Variants in GPR158 observed in about 807,000 individuals in gnomAD.
GPR158 encodes the protein metabotropic glycine receptor.
GPR158 carries 30 observed loss-of-function variants against 78.2 expected under a neutral mutation model. The ratio of observed to expected loss-of-function variants is 0.38; its 90% CI spans 0.29 to 0.52. The LOEUF (loss-of-function observed/expected upper bound fraction) is 0.52, where lower values mean the gene tolerates loss of function less well. GPR158 is among the 20% of genes least tolerant of loss of function. The pLI, the probability that GPR158 is intolerant of heterozygous loss-of-function variation, is 0.83. For synonymous variants in GPR158, 581 were observed against 591.1 expected (o/e 0.98, Z 0.25); for missense variants, 1,463 against 1,523.5 (o/e 0.96, Z 0.66).
chr10:25,258,990 T>C (rs1346844471), intron 2 of GPR158, among the ~76,000 whole-genome samples: 1 of 152,202 alleles, frequency 6.6e-6, no homozygotes. Flanking sequence ...ACATTTTTTA[T>C]TCATTAAGTG....
chr10:25,442,904 C>T (rs1835087532), intron 4 of GPR158, among the ~76,000 whole-genome samples: 1 of 152,124 alleles, frequency 6.6e-6, no homozygotes, highest in African/African-American at 2.4e-5. Flanking sequence ...CAGCCAGAAA[C>T]ATGTTTTCTA....
chr10:25,343,385 C>G (rs147475113), intron 2 of GPR158, among the ~76,000 whole-genome samples: 1 of 152,078 alleles, frequency 6.6e-6, no homozygotes, highest in Admixed American at 6.6e-5. Flanking sequence ...GTCACTATAT[C>G]TCTTACTATT....
chr10:25,212,478 G>A (rs1445842477), intron 1 of GPR158, among the ~76,000 whole-genome samples: 2 of 152,004 alleles, frequency 1.3e-5, no homozygotes, highest in Non-Finnish European at 2.9e-5. Flanking sequence ...ATTACAATTC[G>A]ACATGAGATT....
chr10:25,444,236 G>T (rs1162916279), intron 4 of GPR158, among the ~76,000 whole-genome samples: 2 of 151,498 alleles, frequency 1.3e-5, no homozygotes, highest in African/African-American at 4.9e-5. Flanking sequence ...ATAATGGGGG[G>T]TGTGTGTGAG....
intron 2 of GPR158, among the ~76,000 whole-genome samples, chr10:25,270,153 C>T (rs933968708): frequency 7.2e-5 from 11 of 152,144 alleles, no homozygotes; most frequent in Non-Finnish European, 1.6e-4. Context: ...AGGTGTACTC[C>T]ATTGTAGCTT....
At chr10:25,329,340 T>G (rs1855085453) in intron 2 of GPR158, among the ~76,000 whole-genome samples, 1 of 151,350 alleles carries the variant, frequency 6.6e-6, no homozygotes. Flanking sequence ...CTCAGGAGGC[T>G]GAGGCAGGAG....
chr10:25,467,122 G>A (rs1487895155), intron 5 of GPR158, among the ~76,000 whole-genome samples: 6 of 152,150 alleles, frequency 3.9e-5, no homozygotes, highest in African/African-American at 1.4e-4. Flanking sequence ...GTTTGGTCCA[G>A]AAAGGCAGGA....
At chr10:25,404,473 G>T (rs1177481423) in intron 3 of GPR158, among the ~76,000 whole-genome samples, 3 of 151,954 alleles carry the variant, frequency 2.0e-5, no homozygotes, top group African/African-American at 7.3e-5. Flanking sequence ...TTTAACCAAC[G>T]ATTTATTTCC....
At chr10:25,440,395 C>G (rs991813035) in intron 4 of GPR158, among the ~76,000 whole-genome samples, 3 of 152,280 alleles carry the variant, frequency 2.0e-5, no homozygotes, top group Admixed American at 1.3e-4. Context: ...CTCAACACCC[C>G]CATTGATTGC....
intron 2 of GPR158, among the ~76,000 whole-genome samples, chr10:25,374,697 A>T (rs1299295040): frequency 6.6e-6 from 1 of 151,746 alleles, no homozygotes; most frequent in Non-Finnish European, 1.5e-5. Flanking sequence ...AATTCATATG[A>T]GATCTGTCCA....
chr10:25,353,042 CT>C (rs1855496435), intron 2 of GPR158, among the ~76,000 whole-genome samples: 1 of 151,946 alleles, frequency 6.6e-6, no homozygotes, highest in African/African-American at 2.4e-5. Context: ...CCTTGGTATC[CT>C]TAATATTACA....
chr10:25,570,496 G>A (rs879435764), intron 6 of GPR158, among the ~76,000 whole-genome samples: 2 of 152,106 alleles, frequency 1.3e-5, no homozygotes, highest in Non-Finnish European at 2.9e-5. Flanking sequence ...TCTGAGTGTC[G>A]AATTTTTCTA....
intron 5 of GPR158, among the ~76,000 whole-genome samples, chr10:25,484,075 T>C (rs1037416529): frequency 3.3e-5 from 5 of 152,224 alleles, no homozygotes; most frequent in African/African-American, 1.2e-4. Flanking sequence ...ACCGGAATTC[T>C]AACCTATAAC....
chr10:25,388,451 G>A (rs533184171), intron 2 of GPR158, among the ~76,000 whole-genome samples: 5 of 152,304 alleles, frequency 3.3e-5, no homozygotes, highest in East Asian at 1.9e-4. Flanking sequence ...CATGTCCCAC[G>A]GGCCCATAAG....
intron 2 of GPR158, among the ~76,000 whole-genome samples, chr10:25,229,643 C>T (rs1305247150): frequency 6.6e-6 from 1 of 152,124 alleles, no homozygotes; most frequent in Non-Finnish European, 1.5e-5. Context: ...CCAGATTTAT[C>T]TGATTCTAGG....
chr10:25,225,323 C>G (rs934524512), intron 2 of GPR158, among the ~76,000 whole-genome samples: 33 of 151,824 alleles, frequency 2.2e-4, no homozygotes, highest in Admixed American at 1.9e-3. Flanking sequence ...ATCATAAATA[C>G]TTTATACTTT....
At chr10:25,472,769 G>A (rs560159259) in intron 5 of GPR158, among the ~76,000 whole-genome samples, 27 of 152,154 alleles carry the variant, frequency 1.8e-4, no homozygotes, top group African/African-American at 6.5e-4. Flanking sequence ...TGTTATTGGT[G>A]TACAAGAATG....
intron 2 of GPR158, among the ~76,000 whole-genome samples, chr10:25,310,441 T>C (rs1487569344): frequency 6.6e-6 from 1 of 152,164 alleles, no homozygotes; most frequent in Non-Finnish European, 1.5e-5. Context: ...AATATTGTGA[T>C]TTTGATAGGG....
At chr10:25,267,038 T>C (rs191126013) in intron 2 of GPR158, among the ~76,000 whole-genome samples, 1 of 152,312 alleles carries the variant, frequency 6.6e-6, no homozygotes, top group Non-Finnish European at 1.5e-5. Flanking sequence ...CTGCTGAGTT[T>C]TGTCTTTCTG....
Sources: gnomAD v4.1 joint callset for allele counts (sites outside exome capture counted in the v4.1 genomes callset) on GRCh38, gnomAD v4.1.1 for gene constraint, MANE v1.5 for transcripts, NCBI Gene and HGNC (gene_info 2026-07-23, HGNC 2026-07-21) for gene names.